Variants in ZBTB20 observed in about 807,000 individuals in gnomAD.
The protein encoded by ZBTB20 is zinc finger and BTB domain containing 20.
A neutral mutation model predicts 56.9 loss-of-function variants in ZBTB20; 9 were observed. The observed-to-expected ratio is 0.16, with a 90% CI of 0.10 to 0.28. The LOEUF (loss-of-function observed/expected upper bound fraction) is 0.28, where lower values mean the gene tolerates loss of function less well. Ranked by LOEUF, ZBTB20 falls within the 10% of genes least tolerant of loss-of-function variation. The pLI, the probability that ZBTB20 is intolerant of heterozygous loss-of-function variation, is 1.00. For synonymous variants in ZBTB20, 417 were observed against 420.7 expected (o/e 0.99, Z 0.11); for missense variants, 655 against 1,003.0 (o/e 0.65, Z 4.69).
intron 3 of ZBTB20, among the ~76,000 whole-genome samples, chr3:114,932,457 T>C (rs1370190023): frequency 6.6e-6 from 1 of 152,232 alleles, no homozygotes; most frequent in Non-Finnish European, 1.5e-5. Context: ...GCCAAACTTA[T>C]CATATACAAT....
intron 7 of ZBTB20, among the ~76,000 whole-genome samples, chr3:114,460,715 G>A (rs2092291635): frequency 6.6e-6 from 1 of 152,162 alleles, no homozygotes; most frequent in South Asian, 2.1e-4. Context: ...CACCAAGCTT[G>A]TGGTAATTTG....
chr3:114,748,319 TTTCTTTCTTTCTTTC>T (rs1213622905), intron 5 of ZBTB20, among the ~76,000 whole-genome samples: 13 of 130,580 alleles, frequency 1.0e-4, no homozygotes, highest in African/African-American at 3.6e-4. Context: ...TCTTTCTTTC[TTTCTTTCTTTCTTTC>T]TTCTTTCTTT....
chr3:114,373,216 C>T (rs2083241190), intron 10 of ZBTB20, among the ~76,000 whole-genome samples: 1 of 152,200 alleles, frequency 6.6e-6, no homozygotes, highest in Non-Finnish European at 1.5e-5. Context: ...GCCTTGCCCC[C>T]TCAGAATACT....
chr3:114,511,847 G>A (rs7627931), intron 6 of ZBTB20, among the ~76,000 whole-genome samples: 2,090 of 152,128 alleles, frequency 0.014, 44 homozygotes, highest in African/African-American at 0.047. Context: ...AAAAACAAAG[G>A]TCCAGTGAAG....
intron 5 of ZBTB20, among the ~76,000 whole-genome samples, chr3:114,704,158 A>G (rs1921488): frequency 0.064 from 9,811 of 152,226 alleles, 407 homozygotes; most frequent in Middle Eastern, 0.14. Flanking sequence ...GCCTTCTGAT[A>G]TGACAGTGTC....
In ZBTB20 at chr3:114,606,937, A is replaced by C. The variant is rs867151591; in HGVS notation, c.-295+86591T>G. Among the ~76,000 whole-genome samples, 14 of 152,000 alleles carry C rather than the reference A, an allele frequency of 9.2e-5. No individual in the cohort carries two copies. In the South Asian group the frequency reaches 2.9e-3, roughly 32 times the overall value. On this transcript the variant is annotated intron_variant, in intron 6 of 11. Coordinates refer to ENST00000675478, the MANE Select transcript of ZBTB20 (RefSeq NM_001348800.3). Reference sequence around the variant, plus strand: ...ATGGTGAAACTCCGTCTTTACTAAAAAAATACAAAAATTAACTGGGCGTGG... The same window carrying C: ...ATGGTGAAACTCCGTCTTTACTAAACAAATACAAAAATTAACTGGGCGTGG...
chr3:114,645,448 A>G (rs1455040921), intron 6 of ZBTB20, among the ~76,000 whole-genome samples: 1 of 152,132 alleles, frequency 6.6e-6, no homozygotes, highest in Non-Finnish European at 1.5e-5. Context: ...TCACTCGAAG[A>G]CTGACTATAT....
chr3:114,502,579 A>G (rs1455449604), intron 6 of ZBTB20, among the ~76,000 whole-genome samples: 2 of 152,188 alleles, frequency 1.3e-5, no homozygotes, highest in Non-Finnish European at 2.9e-5. Context: ...TAGGCAAGAG[A>G]ATTAGATTAT....
intron 3 of ZBTB20, among the ~76,000 whole-genome samples, chr3:114,964,450 T>A (rs115451255): frequency 1.6e-4 from 25 of 152,080 alleles, no homozygotes; most frequent in African/African-American, 6.0e-4. Flanking sequence ...CAAAAAACAC[T>A]ATGCTACAAT....
chr3:115,001,156 A>T (rs2079233129), intron 2 of ZBTB20, among the ~76,000 whole-genome samples: 1 of 150,970 alleles, frequency 6.6e-6, no homozygotes, highest in African/African-American at 2.4e-5. Context: ...TATTACTTGT[A>T]TTGTAGGCTT....
At chr3:114,428,398 C>G (rs1301936120) in intron 7 of ZBTB20, among the ~76,000 whole-genome samples, 2 of 152,186 alleles carry the variant, frequency 1.3e-5, no homozygotes. Flanking sequence ...ACCAGAAAGG[C>G]ATCTATGGAG....
intron 2 of ZBTB20, among the ~76,000 whole-genome samples, chr3:114,978,778 TTTC>T (rs1195141210): frequency 1.3e-5 from 2 of 151,964 alleles, no homozygotes; most frequent in Non-Finnish European, 1.5e-5. Context: ...TGACAGTTTT[TTTC>T]TTCTTAGAAT....
At chr3:114,480,131 T>C (rs952518860) in intron 7 of ZBTB20, among the ~76,000 whole-genome samples, 3 of 152,206 alleles carry the variant, frequency 2.0e-5, no homozygotes, top group Non-Finnish European at 2.9e-5. Context: ...AAACCAACAA[T>C]TGGGCTTAGT....
intron 4 of ZBTB20, among the ~76,000 whole-genome samples, chr3:114,887,840 TA>T (rs1260463546): frequency 6.6e-6 from 1 of 152,122 alleles, no homozygotes; most frequent in Non-Finnish European, 1.5e-5. Flanking sequence ...ACAGAAGTTT[TA>T]TAAGTGTAAA....
At chr3:114,973,657 C>T (rs1464612046) in intron 3 of ZBTB20, among the ~76,000 whole-genome samples, 4 of 152,114 alleles carry the variant, frequency 2.6e-5, no homozygotes, top group Non-Finnish European at 5.9e-5. Flanking sequence ...ATGGTTGGAT[C>T]GCACCACCCC....
chr3:114,445,074 G>A (rs181300334), intron 7 of ZBTB20, among the ~76,000 whole-genome samples: 65 of 152,186 alleles, frequency 4.3e-4, no homozygotes, highest in South Asian at 6.2e-4. Context: ...CTTTGTCAAC[G>A]CTTAAAGCAG....
intron 1 of ZBTB20, among the ~76,000 whole-genome samples, chr3:115,140,342 T>A (rs544940093): frequency 9.2e-5 from 14 of 152,108 alleles, no homozygotes; most frequent in Non-Finnish European, 1.8e-4. Context: ...TCTTTGGATG[T>A]AATTACTTCT....
At chr3:115,101,554 T>C (rs1044943385) in intron 1 of ZBTB20, among the ~76,000 whole-genome samples, 26 of 152,162 alleles carry the variant, frequency 1.7e-4, no homozygotes, top group African/African-American at 6.0e-4. Flanking sequence ...AGACTCTGCT[T>C]GACGAGTCAT....
At chr3:114,829,450 T>C (rs2073725414) in intron 4 of ZBTB20, among the ~76,000 whole-genome samples, 1 of 151,844 alleles carries the variant, frequency 6.6e-6, no homozygotes, top group Admixed American at 6.6e-5. Flanking sequence ...TTTATATTAA[T>C]CTCTGTATCA....
Sources: gnomAD v4.1 joint callset for allele counts (sites outside exome capture counted in the v4.1 genomes callset) on GRCh38, gnomAD v4.1.1 for gene constraint, MANE v1.5 for transcripts, NCBI Gene and HGNC (gene_info 2026-07-23, HGNC 2026-07-21) for gene names.